Variants in FOCAD observed in about 807,000 individuals in gnomAD.
FOCAD encodes the protein focadhesin, also known as KIAA1797.
A neutral mutation model predicts 225.6 loss-of-function variants in FOCAD; 198 were observed. The ratio of observed to expected loss-of-function variants is 0.88; its 90% confidence interval spans 0.78 to 0.99. FOCAD has a LOEUF of 0.99. Among genes scored for constraint, FOCAD ranks in the 50% least tolerant of loss-of-function variants. The probability of loss-of-function intolerance (pLI) is 0.00; values close to 1 mark genes in which losing one functional copy is unlikely to be tolerated. For missense variants in FOCAD, 2,713 were observed against 2,123.6 expected (o/e 1.28, Z -5.46); for synonymous variants, 897 against 755.0 (o/e 1.19, Z -3.08).
chr9:20,684,499 G>C (rs972133954), intron 1 of FOCAD: 1 of 152,952 alleles, frequency 6.5e-6, no homozygotes, highest in Admixed American at 6.5e-5. Flanking sequence ...TTTTGCCCTC[G>C]TCCGGTCCTG....
At chr9:20,701,405 T>C (rs1195913403) in intron 1 of FOCAD, among the ~76,000 whole-genome samples, 7 of 152,346 alleles carry the variant, frequency 4.6e-5, no homozygotes, top group East Asian at 3.9e-4. Context: ...TAAGTACTCA[T>C]TTGCAGTGGC....
At chr9:20,714,631 C>CCTGA in intron 1 of FOCAD, among the ~76,000 whole-genome samples, 1 of 125,890 alleles carries the variant, frequency 7.9e-6, no homozygotes, top group Admixed American at 8.1e-5. Flanking sequence ...TGCCTGCCTG[C>CCTGA]CTGCCTTCCT....
Position 20,866,917 on chromosome 9 carries a change from T to TTTTTTTTTTTTTTTTTTTTTTTTAA in FOCAD, c.2107-12_2107-11insTTTTTTTTTTTTTTTTTTTTTTTAA. The stretch of plus-strand genomic sequence containing the variant: ...TTTTTTTTTTTTTTTTTTTTTTTTT[T>TTTTTTTTTTTTTTTTTTTTTTTTAA]ACCCTATCTAGGACCCAATTGTAGC... On this transcript the variant is annotated splice_polypyrimidine_tract_variant and intron_variant, in intron 17 of 43. Transcript: ENST00000338382. 1.3e-6 allele frequency: 1 copy of TTTTTTTTTTTTTTTTTTTTTTTTAA among 764,972 alleles called. No homozygotes were observed. Among genetic ancestry groups the TTTTTTTTTTTTTTTTTTTTTTTTAA allele is most frequent in the Non-Finnish European group, 2.0e-6 (1 of 498,468 alleles). 47.4% of individuals were successfully genotyped at this position (764,972 alleles called of 1,614,324 possible). A position where few individuals can be genotyped will look rare whatever the true frequency, so the allele number is the denominator to read the frequency against.
intron 15 of FOCAD, among the ~76,000 whole-genome samples, chr9:20,828,316 A>G (rs777450348): frequency 1.9e-4 from 29 of 152,214 alleles, no homozygotes; most frequent in South Asian, 6.2e-4. Flanking sequence ...AACATAAACA[A>G]TAGAATATAT....
At chr9:20,926,089 C>A (rs1205531442) in intron 25 of FOCAD, among the ~76,000 whole-genome samples, 3 of 152,078 alleles carry the variant, frequency 2.0e-5, no homozygotes, top group African/African-American at 7.2e-5. Context: ...ATAAAAGATA[C>A]ATCTTATTTC....
chr9:20,885,423 C>A (rs1831030322), intron 21 of FOCAD, 193 bp downstream of exon 21: 1 of 381,616 alleles, frequency 2.6e-6, no homozygotes, highest in Non-Finnish European at 4.2e-6. Context: ...CCATGTTTTC[C>A]CCCACTGCCC....
chr9:20,819,443 G>T (rs1406730284), intron 11 of FOCAD, among the ~76,000 whole-genome samples: 1 of 152,022 alleles, frequency 6.6e-6, no homozygotes, highest in Non-Finnish European at 1.5e-5. Context: ...TGAACTCTTG[G>T]ACTGAAGCAA....
chr9:20,763,941 A>G (rs903266283), intron 6 of FOCAD, among the ~76,000 whole-genome samples: 8 of 152,236 alleles, frequency 5.3e-5, no homozygotes, highest in African/African-American at 1.9e-4. Flanking sequence ...GAAGTGCTTA[A>G]GAAGACCTTG....
chr9:20,837,340 A>C (rs1212819756), intron 15 of FOCAD, among the ~76,000 whole-genome samples: 1 of 152,080 alleles, frequency 6.6e-6, no homozygotes, highest in Admixed American at 6.6e-5. Flanking sequence ...ATTCTTTAAA[A>C]GATCAAACAA....
chr9:20,869,344 A>T (rs543710044), intron 18 of FOCAD, among the ~76,000 whole-genome samples: 31 of 152,056 alleles, frequency 2.0e-4, no homozygotes, highest in African/African-American at 5.8e-4. Context: ...AGAGCTAAAA[A>T]ATATATATAT....
At chr9:20,811,806 A>G (rs892150240) in intron 11 of FOCAD, among the ~76,000 whole-genome samples, 3 of 135,776 alleles carry the variant, frequency 2.2e-5, no homozygotes, top group African/African-American at 7.9e-5. Context: ...AATGTTCAAA[A>G]GCTTAATCAC....
At chr9:20,720,719 T>A (rs1043111690) in intron 4 of FOCAD, among the ~76,000 whole-genome samples, 185 bp downstream of exon 4, 3 of 152,228 alleles carry the variant, frequency 2.0e-5, no homozygotes, top group Non-Finnish European at 4.4e-5. Flanking sequence ...GTTTCAGAAT[T>A]TGTGGTCATT....
chr9:20,673,288 G>T (rs968614799), intron 2 of FOCAD, among the ~76,000 whole-genome samples: 2 of 152,142 alleles, frequency 1.3e-5, no homozygotes, highest in Non-Finnish European at 2.9e-5. Context: ...TATATACATA[G>T]GATTGGAATT....
intron 36 of FOCAD, 65 bp downstream of exon 36, chr9:20,976,613 A>G (rs1840256609): frequency 6.6e-7 from 1 of 1,523,112 alleles, no homozygotes; most frequent in Non-Finnish European, 9.1e-7. Flanking sequence ...ATGGAAAAAC[A>G]GATTCTGTGT....
intron 15 of FOCAD, among the ~76,000 whole-genome samples, chr9:20,846,127 G>T (rs1827083030): frequency 6.6e-6 from 1 of 152,072 alleles, no homozygotes; most frequent in South Asian, 2.1e-4. Flanking sequence ...GTCTGTTTCA[G>T]TCATTATGTT....
intron 15 of FOCAD, among the ~76,000 whole-genome samples, chr9:20,860,677 A>G (rs1213586240): frequency 6.6e-6 from 1 of 152,004 alleles, no homozygotes; most frequent in Non-Finnish European, 1.5e-5. Context: ...CGCCTGGCTA[A>G]TTTTTATACT....
At chr9:20,718,223 A>G (rs987555472) in intron 3 of FOCAD, among the ~76,000 whole-genome samples, 9 of 152,236 alleles carry the variant, frequency 5.9e-5, no homozygotes, top group African/African-American at 2.2e-4. Flanking sequence ...GAGAATGAAC[A>G]GAGTGGCTCT....
intron 9 of FOCAD, among the ~76,000 whole-genome samples, chr9:20,780,076 C>A (rs1468509438): frequency 6.6e-6 from 1 of 152,140 alleles, no homozygotes; most frequent in Non-Finnish European, 1.5e-5. Flanking sequence ...TTTAAAACAG[C>A]TTTATTGAGG....
intron 11 of FOCAD, among the ~76,000 whole-genome samples, chr9:20,815,137 G>GTTTTTTTTTTTTGTT (rs1823567881): frequency 1.4e-5 from 1 of 69,116 alleles, no homozygotes; most frequent in African/African-American, 6.0e-5. Flanking sequence ...TTTTTTTTTT[G>GTTTTTTTTTTTTGTT]TTTTTTTTTT....
Sources: allele counts gnomAD v4.1 joint callset (sites outside exome capture counted in the v4.1 genomes callset), GRCh38; gene constraint gnomAD v4.1.1; transcripts MANE v1.5; gene names NCBI Gene and HGNC (gene_info 2026-07-23, HGNC 2026-07-21).